Variants in DNAJC13 observed in about 807,000 individuals in gnomAD.
DNAJC13 encodes DnaJ heat shock protein family (Hsp40) member C13, also known as dnaJ homolog subfamily C member 13.
Under a neutral mutation model 290.5 loss-of-function variants are expected in DNAJC13, and 75 were observed. The observed-to-expected ratio is 0.26, with a 90% CI of 0.21 to 0.31. The LOEUF (loss-of-function observed/expected upper bound fraction) is 0.31, where lower values mean the gene tolerates loss of function less well. Ranked by LOEUF, DNAJC13 falls within the 10% of genes least tolerant of loss-of-function variation. The probability of loss-of-function intolerance (pLI) is 1.00; values close to 1 mark genes in which losing one functional copy is unlikely to be tolerated. For missense variants in DNAJC13, 2,260 were observed against 2,674.5 expected (o/e 0.85, Z 3.42); for synonymous variants, 862 against 892.0 (o/e 0.97, Z 0.60).
intron 1 of DNAJC13, among the ~76,000 whole-genome samples, chr3:132,427,081 G>A (rs981975596): frequency 4.9e-4 from 49 of 99,352 alleles, no homozygotes; most frequent in Non-Finnish European, 8.4e-4. Flanking sequence ...ACATATGTGT[G>A]TGTGTGTGTG....
intron 2 of DNAJC13, among the ~76,000 whole-genome samples, chr3:132,440,659 C>T (rs1338368455): frequency 1.3e-5 from 2 of 152,206 alleles, no homozygotes; most frequent in African/African-American, 4.8e-5. Context: ...GTAGGCTATA[C>T]TATCTAGGTT....
Position 132,525,637 on chromosome 3 carries a change from G to A in DNAJC13, c.6088G>A (p.Ala2030Thr). 6.2e-7 allele frequency: 1 copy of A among 1,613,886 alleles called. No homozygotes were observed. The highest frequency in any genetic ancestry group is 8.5e-7 in the Non-Finnish European group (1 of 1,179,928). Reference protein sequence around the residue: ...HGETLETLTMATVCLFSAQPQ... With the variant: ...HGETLETLTMTTVCLFSAQPQ... ...AGAAACTCTGGAAACCTTGACAATG[G>A]CAACAGTGTGTCTCTTCAGCGCACA... The change falls in exon 52 of 56, where the codon GCA becomes ACA. Residue 2030 changes from alanine to threonine, a missense_variant. Ala to Thr is a moderately conservative substitution (Grantham distance 58). Around this residue, in one of 3 missense-constraint regions of DNAJC13, gnomAD observed 1,494 missense variants for 1,693.7 expected, o/e 0.88. Coordinates refer to ENST00000260818, the MANE Select transcript of DNAJC13 (RefSeq NM_015268.4).
chr3:132,488,208 G>T (rs953314224), intron 29 of DNAJC13, 90 bp from the exon 30 acceptor site: 4 of 1,133,842 alleles, frequency 3.5e-6, no homozygotes, highest in African/African-American at 3.1e-5. Flanking sequence ...TTTACATAAG[G>T]AGCTATAACC....
chr3:132,427,133 A>ATATATATAT (rs1310339480), intron 1 of DNAJC13, among the ~76,000 whole-genome samples: 1 of 122,178 alleles, frequency 8.2e-6, no homozygotes, highest in African/African-American at 3.3e-5. Context: ...ATATATATAT[A>ATATATATAT]TTTTTTTTTT....
At position 132,507,226 on chromosome 3, in the gene DNAJC13, CTT is replaced by C. The variant is rs541260003; in HGVS notation, c.4999-8_4999-7del. ...TACATCTAACAGTCTATTTTTTCAT[CTT>C]TTAAAAAGGGTGATTGTGACAAAAC... On this transcript the variant is annotated splice_polypyrimidine_tract_variant and intron_variant, in intron 42 of 55. Coordinates refer to ENST00000260818, the MANE Select transcript of DNAJC13 (RefSeq NM_015268.4). 487 of 1,540,538 alleles carry C rather than the reference CTT, an allele frequency of 3.2e-4. No individual in the cohort carries two copies. In the African/African-American group the frequency reaches 5.2e-3, roughly 17 times the overall value.
In DNAJC13 at chr3:132,450,705, T is replaced by C; in HGVS notation, c.395T>C (p.Val132Ala). Residue 132 changes from valine (V) to alanine (A), a missense_variant, in exon 6 of 56, where the codon GTA becomes GCA. This residue lies in a region of DNAJC13 where 762 missense variants were observed against 964.1 expected (regional missense o/e 0.79). Coordinates refer to ENST00000260818, the MANE Select transcript of DNAJC13 (RefSeq NM_015268.4). Reference sequence around the variant, plus strand: ...TCAAGAAAACCTGTAATTTTGGAAGTAACTCCAGGAGGCTTTGACCAAATT... The same window carrying C: ...TCAAGAAAACCTGTAATTTTGGAAGCAACTCCAGGAGGCTTTGACCAAATT... ...SDSRKPVILE[V>A]TPGGFDQINP... The C allele has an allele frequency of 6.2e-7, 1 of 1,613,360 alleles. No homozygotes were observed. The highest frequency in any genetic ancestry group is 1.1e-5 in the South Asian group (1 of 91,060).
rs898732648 is a variant in DNAJC13, at chr3:132,484,814, A to T, written c.3267+142A>T. On this transcript the variant is annotated intron_variant, in intron 29 of 55. Coordinates refer to ENST00000260818, the MANE Select transcript of DNAJC13 (RefSeq NM_015268.4). ...CCAGGTGTGGAGTCTCACACCTCCA[A>T]TCCCAGCACTTTGGGAGGCTGAGGC... The T allele has an allele frequency of 1.4e-5, 10 of 717,846 alleles. No homozygotes were observed. In the African/African-American group the frequency reaches 1.8e-4, roughly 13 times the overall value. 44.5% of individuals were successfully genotyped at this position (717,846 alleles called of 1,614,324 possible). A position where few individuals can be genotyped will look rare whatever the true frequency, so the allele number is the denominator to read the frequency against.
At chr3:132,439,902 C>T (rs1932998402) in intron 2 of DNAJC13, among the ~76,000 whole-genome samples, 1 of 152,160 alleles carries the variant, frequency 6.6e-6, no homozygotes, top group African/African-American at 2.4e-5. Flanking sequence ...CCTGGCAATA[C>T]AACCAGATGA....
At chr3:132,427,360 C>T (rs186403805) in intron 1 of DNAJC13, among the ~76,000 whole-genome samples, 1 of 152,132 alleles carries the variant, frequency 6.6e-6, no homozygotes, top group East Asian at 1.9e-4. Context: ...TGGTCTTGAA[C>T]TCCTGGACTC....
chr3:132,478,598 T>G (rs1195981300), intron 24 of DNAJC13, among the ~76,000 whole-genome samples: 1 of 152,202 alleles, frequency 6.6e-6, no homozygotes, highest in Admixed American at 6.5e-5. Context: ...CAAAAAATTT[T>G]ATACAGTTTG....
At chr3:132,475,484 T>C (rs1442617531) in intron 22 of DNAJC13, among the ~76,000 whole-genome samples, 1 of 152,218 alleles carries the variant, frequency 6.6e-6, no homozygotes, top group Admixed American at 6.5e-5. Flanking sequence ...TATTTTGCTG[T>C]TCTATTAAAA....
At chr3:132,483,716 A>C in intron 28 of DNAJC13, 139 bp downstream of exon 28, 1 of 892,246 alleles carries the variant, frequency 1.1e-6, no homozygotes, top group Non-Finnish European at 1.6e-6. Context: ...GAATTTTTTG[A>C]AACAGATATA....
At position 132,473,201 on chromosome 3, in the gene DNAJC13, A is replaced by T; in HGVS notation, c.2265A>T (p.Glu755Asp). The change falls in exon 21 of 56, where the codon GAA (glutamate) becomes GAT (aspartate). Residue 755 changes from glutamate (E) to aspartate (D), a missense_variant. Glu to Asp is a conservative substitution (Grantham distance 45, BLOSUM62 2). Around this residue, in one of 3 missense-constraint regions of DNAJC13, gnomAD observed 762 missense variants for 964.1 expected, o/e 0.79. Transcript: ENST00000260818. ...LRKRRQRIKIEANWDLFYYRF... is the reference protein window; with the variant it reads ...LRKRRQRIKIDANWDLFYYRF... The stretch of plus-strand genomic sequence containing the variant: ...AGAGAAGACAAAGAATAAAAATAGA[A>T]GCAAATTGGGATCTCTTCTATTATA... The T allele has an allele frequency of 6.2e-7, 1 of 1,610,050 alleles. No homozygotes were observed. The highest frequency in any genetic ancestry group is 8.5e-7 in the Non-Finnish European group (1 of 1,178,062).
chr3:132,515,201 G>A (rs1027036747), intron 46 of DNAJC13, among the ~76,000 whole-genome samples: 2 of 152,124 alleles, frequency 1.3e-5, no homozygotes, highest in African/African-American at 4.8e-5. Flanking sequence ...CCAACCCTGA[G>A]ATTGCTTTTC....
intron 3 of DNAJC13, among the ~76,000 whole-genome samples, chr3:132,446,912 G>A (rs540983208): frequency 5.9e-5 from 9 of 152,096 alleles, no homozygotes; most frequent in East Asian, 3.9e-4. Flanking sequence ...TAAAATACTC[G>A]TCATGGGAGT....
Position 132,434,634 on chromosome 3 carries a change from G to A in DNAJC13, c.68+16G>A, listed in dbSNP as rs1039984605. 4.4e-6 allele frequency: 7 copies of A among 1,586,472 alleles called. No individual in the cohort carries two copies. The Admixed American group carries it at 5.6e-5, about 13-fold the overall frequency. ...GGAGGGGGAAGTAAGTATTCTTGTT[G>A]GGTTTTTTTTTCTGTGCTTCTATAA... is the stretch of plus-strand genomic sequence containing the variant. On this transcript the variant is annotated intron_variant, in intron 2 of 55. Coordinates refer to ENST00000260818, the MANE Select transcript of DNAJC13 (RefSeq NM_015268.4).
chr3:132,527,408 A>G (rs1936293665), intron 53 of DNAJC13, among the ~76,000 whole-genome samples: 1 of 152,070 alleles, frequency 6.6e-6, no homozygotes, highest in Non-Finnish European at 1.5e-5. Context: ...CTGGACCCTC[A>G]TTGAGGCAAG....
intron 18 of DNAJC13, 53 bp downstream of exon 18, chr3:132,466,123 C>A: frequency 2.7e-6 from 4 of 1,491,664 alleles, no homozygotes; most frequent in Non-Finnish European, 3.7e-6. Context: ...TTTAATTGAA[C>A]AAGTTATCTG....
chr3:132,488,511 T>C (rs1934959614), intron 30 of DNAJC13, 59 bp downstream of exon 30: 17 of 1,446,438 alleles, frequency 1.2e-5, no homozygotes, highest in Non-Finnish European at 1.6e-5. Flanking sequence ...ATGGACTGAT[T>C]TAATTGAATT....
Sources: gnomAD v4.1 joint callset for allele counts (sites outside exome capture counted in the v4.1 genomes callset) on GRCh38, gnomAD v4.1.1 for gene constraint, gnomAD v4.1.1 regional missense constraint, MANE v1.5 for transcripts, NCBI Gene and HGNC (gene_info 2026-07-23, HGNC 2026-07-21) for gene names.